Variants in CTDP1 observed in about 807,000 individuals in gnomAD.
The protein encoded by CTDP1 is CTD phosphatase 1.
In CTDP1, 47 loss-of-function variants were observed where a neutral mutation model predicts 91.8. The observed-to-expected ratio is 0.51, with a 90% confidence interval of 0.41 to 0.65. CTDP1 has a LOEUF of 0.65. Ranked by LOEUF, CTDP1 falls within the 30% of genes least tolerant of loss-of-function variation. The pLI is 0.00. For missense variants in CTDP1, 1,272 were observed against 1,373.7 expected (o/e 0.93, Z 1.17); for synonymous variants, 656 against 598.5 (o/e 1.10, Z -1.40).
Position 79,745,341 on chromosome 18 carries a change from G to GTCCC in CTDP1, c.2748-8310_2748-8309insCCCT, listed in dbSNP as rs1476069404. Among the ~76,000 whole-genome samples the GTCCC allele has an allele frequency of 9.5e-5, 9 of 94,876 alleles. 1 individual carries two copies. The highest frequency in any genetic ancestry group is 1.8e-4 in the Non-Finnish European group (9 of 48,664). 62.2% of individuals were successfully genotyped at this position (94,876 alleles called of 152,430 possible). On this transcript the variant is annotated intron_variant, in intron 12 of 12. Coordinates refer to ENST00000613122, the MANE Select transcript of CTDP1 (RefSeq NM_004715.5). ...CCTGCGTCCCTCCCGTGCGCGTTCTGTGCCCGCGTCCCTCCCGTGCGCGTT... is the reference window on the plus strand; with the variant it reads ...CCTGCGTCCCTCCCGTGCGCGTTCTGTCCCTGCCCGCGTCCCTCCCGTGCGCGTT...
At chr18:79,750,722 C>G (rs1253104206) in intron 12 of CTDP1, among the ~76,000 whole-genome samples, 2 of 140,632 alleles carry the variant, frequency 1.4e-5, no homozygotes, top group Non-Finnish European at 3.0e-5. Context: ...CCATGTTGGT[C>G]AGGCTGGTCT....
At chr18:79,697,457 A>G (rs566196279) in intron 3 of CTDP1, among the ~76,000 whole-genome samples, 1 of 152,332 alleles carries the variant, frequency 6.6e-6, no homozygotes, top group South Asian at 2.1e-4. Flanking sequence ...TGAGCGCGGG[A>G]GATTCTGAGC....
At position 79,715,121 on chromosome 18, in the gene CTDP1, C is replaced by A; in HGVS notation, c.1661C>A (p.Ala554Glu). The A allele has an allele frequency of 6.2e-7, 1 of 1,613,338 alleles. No individual in the cohort carries two copies. The highest frequency in any genetic ancestry group is 8.5e-7 in the Non-Finnish European group (1 of 1,179,906). The change falls in exon 8 of 13, where the codon GCG becomes GAG. Residue 554 changes from alanine (A) to glutamate (E), a missense_variant. This residue lies in a region of CTDP1 where 881 missense variants were observed against 911.6 expected (regional missense o/e 0.97). Coordinates refer to ENST00000613122, the MANE Select transcript of CTDP1 (RefSeq NM_004715.5). ...LGNGCADRKEAETESQNSELS... is the reference protein window; with the variant it reads ...LGNGCADRKEEETESQNSELS... ...AACGGCTGTGCCGACAGGAAGGAGG[C>A]GGAGACCGAGTCACAGAACAGCGAG...
intron 10 of CTDP1, among the ~76,000 whole-genome samples, chr18:79,718,996 C>T (rs536656471): frequency 4.1e-4 from 62 of 151,716 alleles, no homozygotes; most frequent in Non-Finnish European, 7.8e-4. Flanking sequence ...ATGCTGAGGC[C>T]TGGAGTGCAT....
chr18:79,747,051 A>G (rs1232987582), intron 12 of CTDP1, among the ~76,000 whole-genome samples: 2 of 152,208 alleles, frequency 1.3e-5, no homozygotes, highest in East Asian at 3.9e-4. Context: ...TTTGGGTACA[A>G]AGCTGCTGAA....
chr18:79,737,304 C>T (rs1435288843), intron 12 of CTDP1, among the ~76,000 whole-genome samples: 1 of 152,230 alleles, frequency 6.6e-6, no homozygotes, highest in African/African-American at 2.4e-5. Flanking sequence ...GCAGATCTTA[C>T]AGCTGCTTGG....
chr18:79,692,568 C>T (rs1362990931), intron 1 of CTDP1, among the ~76,000 whole-genome samples: 2 of 152,242 alleles, frequency 1.3e-5, no homozygotes, highest in Non-Finnish European at 2.9e-5. Flanking sequence ...GAGAGATTGG[C>T]AAAATCCTCC....
intron 3 of CTDP1, among the ~76,000 whole-genome samples, 191 bp from the exon 4 acceptor site, chr18:79,697,669 G>A: frequency 6.6e-6 from 1 of 152,134 alleles, no homozygotes; most frequent in African/African-American, 2.4e-5. Flanking sequence ...TAAAATTGTG[G>A]TCACAAGCGA....
chr18:79,680,503 GAA>G (rs1334731132), intron 1 of CTDP1, among the ~76,000 whole-genome samples: 2 of 152,246 alleles, frequency 1.3e-5, no homozygotes, highest in Non-Finnish European at 2.9e-5. Flanking sequence ...TTACTGTTTG[GAA>G]AAGCTATGTT....
intron 4 of CTDP1, among the ~76,000 whole-genome samples, chr18:79,700,247 A>G (rs1212001395): frequency 2.0e-5 from 3 of 152,342 alleles, no homozygotes; most frequent in Middle Eastern, 3.4e-3. Flanking sequence ...ATCAAAAGGT[A>G]GACGTGATTA....
Position 79,717,635 on chromosome 18 carries a change from G to A in CTDP1, c.2169G>A (p.Glu723=). 1 of 1,614,018 alleles carries A rather than the reference G, an allele frequency of 6.2e-7. No individual in the cohort carries two copies. Among genetic ancestry groups the A allele is most frequent in the Non-Finnish European group, 8.5e-7 (1 of 1,179,970 alleles). The change falls in exon 9 of 13, where the codon GAG becomes GAA. Residue 723 remains glutamate (E), a synonymous_variant. Coordinates refer to ENST00000613122, the MANE Select transcript of CTDP1 (RefSeq NM_004715.5). ...TGGAGCGCTGGGACAAGGTGGAGGA[G>A]CAGCTCTTCCCGCTCAGGGACGATC... ...SCLERWDKVE[E]QLFPLRDDHT... is the part of the protein sequence containing the mutation.
chr18:79,750,272 A>G (rs1432925515), intron 12 of CTDP1, among the ~76,000 whole-genome samples: 13 of 148,194 alleles, frequency 8.8e-5, no homozygotes, highest in East Asian at 2.0e-4. Context: ...TGCAGCCTCC[A>G]TTTCCTGGGC....
At chr18:79,688,237 A>G (rs1339878530) in intron 1 of CTDP1, among the ~76,000 whole-genome samples, 1 of 152,226 alleles carries the variant, frequency 6.6e-6, no homozygotes, top group Admixed American at 6.5e-5. Context: ...CACAGGAGAC[A>G]AAACAACAAC....
chr18:79,713,285 A>C lies in CTDP1; in HGVS notation c.1030+147A>C. On this transcript the variant is annotated intron_variant, in intron 7 of 12. Transcript: ENST00000613122. The surrounding 1 kb of genome is among the most constrained non-coding windows in gnomAD (Gnocchi z 4.7). The stretch of plus-strand genomic sequence containing the variant: ...TCAGTAGAGATTATTGGATTTATTT[A>C]TAGAGTACTGAAAAACAGGATATTA... 1 of 966,546 alleles carries C rather than the reference A, an allele frequency of 1.0e-6. No homozygotes were observed. The highest frequency in any genetic ancestry group is 1.6e-6 in the Non-Finnish European group (1 of 645,128). 59.9% of individuals were successfully genotyped at this position (966,546 alleles called of 1,614,324 possible).
intron 1 of CTDP1, among the ~76,000 whole-genome samples, chr18:79,691,508 G>GGGAGGAGTGGACGGCTCCCAGGGT (rs2085621646): frequency 1.6e-5 from 2 of 124,118 alleles, no homozygotes; most frequent in African/African-American, 2.9e-5. Flanking sequence ...CTCGGGGTGG[G>GGGAGGAGTGGACGGCTCCCAGGGT]GAGGAGTGGA....
intron 6 of CTDP1, among the ~76,000 whole-genome samples, chr18:79,711,293 C>T (rs2086078727): frequency 2.6e-5 from 4 of 152,154 alleles, no homozygotes; most frequent in Admixed American, 2.0e-4. Flanking sequence ...AATTTTCATT[C>T]CTATGCGAAG....
At chr18:79,699,348 C>T (rs925226605) in intron 4 of CTDP1, among the ~76,000 whole-genome samples, 4 of 152,134 alleles carry the variant, frequency 2.6e-5, no homozygotes, top group African/African-American at 9.7e-5. Context: ...GCAAGCTCTA[C>T]CTCCCGAGTT....
In CTDP1 at chr18:79,704,826, A is replaced by C. The variant is rs1422163026; in HGVS notation, c.681A>C (p.Pro227=). Residue 227 remains proline (P), a synonymous_variant, in exon 5 of 13, where the codon CCA becomes CCC. Coordinates refer to ENST00000613122, the MANE Select transcript of CTDP1 (RefSeq NM_004715.5). The stretch of plus-strand genomic sequence containing the variant: ...CCATGCTGCACACGCGCCTGCGTCC[A>C]CACTGCAAGGACTTCCTGGAGAAGA... The part of the protein sequence containing the change: ...GEPMLHTRLR[P]HCKDFLEKIA... The C allele has an allele frequency of 1.9e-6, 3 of 1,614,068 alleles. No homozygotes were observed. The highest frequency in any genetic ancestry group is 2.5e-6 in the Non-Finnish European group (3 of 1,180,050).
rs778311527 is a variant in CTDP1, at chr18:79,714,725, C to T, written c.1265C>T (p.Ala422Val). 3.7e-6 allele frequency: 6 copies of T among 1,603,748 alleles called. No individual in the cohort carries two copies. The Admixed American group carries it at 1.0e-4, about 28-fold the overall frequency. Residue 422 changes from alanine to valine, a missense_variant, in exon 8 of 13, where the codon GCT becomes GTT. Physicochemically the swap from Ala to Val is moderately conservative, Grantham distance 64. Transcript: ENST00000613122. ...APTSSQELAG[A>V]PEPQGSCAQG... ...ACCAGCAGCCAAGAGCTGGCAGGCG[C>T]TCCTGAGCCCCAGGGATCCTGTGCG...
Sources: allele counts gnomAD v4.1 joint callset (sites outside exome capture counted in the v4.1 genomes callset), GRCh38; gene constraint gnomAD v4.1.1; regional missense constraint gnomAD v4.1.1; non-coding constraint Gnocchi (gnomAD v3.1); transcripts MANE v1.5; gene names NCBI Gene and HGNC (gene_info 2026-07-23, HGNC 2026-07-21).